The following MSRB3 variants were observed in gnomAD, a reference collection of about 807,000 sequenced individuals.
MSRB3 encodes the protein methionine sulfoxide reductase B3.
A neutral mutation model predicts 21.0 loss-of-function variants in MSRB3; 13 were observed. The observed-to-expected ratio is 0.62, with a 90% CI of 0.40 to 0.98. The LOEUF (loss-of-function observed/expected upper bound fraction) is 0.98. Ranked by LOEUF, MSRB3 falls within the 50% of genes least tolerant of loss-of-function variation. The pLI is 0.00. For synonymous variants in MSRB3, 87 were observed against 88.6 expected (o/e 0.98, Z 0.10); for missense variants, 199 against 230.3 (o/e 0.86, Z 0.88).
Position 65,356,450 on chromosome 12 carries a change from G to C in MSRB3, c.264-12548G>C, listed in dbSNP as rs1877388740. ...TTCAATGTGAAAGTTTATACAATGT[G>C]AGGGGACTTTTTTAAAAAAAATTTA... On this transcript the variant is annotated intron_variant, in intron 4 of 6. Transcript: ENST00000308259. 2.0e-5 allele frequency among the ~76,000 whole-genome samples: 3 copies of C among 151,946 alleles called. No homozygotes were observed. In the South Asian group the frequency reaches 6.2e-4, roughly 31 times the overall value.
At chr12:65,403,854 G>A (rs933711846) in intron 5 of MSRB3, among the ~76,000 whole-genome samples, 1 of 152,166 alleles carries the variant, frequency 6.6e-6, no homozygotes. Context: ...CTTGGCTAGG[G>A]GAGGGAGTTC....
intron 5 of MSRB3, among the ~76,000 whole-genome samples, chr12:65,369,644 C>G (rs1453248260): frequency 6.6e-6 from 1 of 152,086 alleles, no homozygotes; most frequent in African/African-American, 2.4e-5. Context: ...TCAGGTTTGA[C>G]TATGTCATTA....
chr12:65,348,821 T>C (rs1366668275), intron 4 of MSRB3, among the ~76,000 whole-genome samples: 1 of 152,218 alleles, frequency 6.6e-6, no homozygotes, highest in Non-Finnish European at 1.5e-5. Flanking sequence ...AACATCTTTA[T>C]TTCTGCCTTC....
intron 5 of MSRB3, among the ~76,000 whole-genome samples, chr12:65,420,928 C>T (rs1881260337): frequency 6.6e-6 from 1 of 152,166 alleles, no homozygotes; most frequent in African/African-American, 2.4e-5. Flanking sequence ...CTGCAGTGAA[C>T]ATTAGTGTGC....
chr12:65,287,209 A>T, intron 1 of MSRB3, among the ~76,000 whole-genome samples: 1 of 142,090 alleles, frequency 7.0e-6, no homozygotes. Flanking sequence ...TGTAGCCTTG[A>T]CCTCCTGGGC....
intron 4 of MSRB3, among the ~76,000 whole-genome samples, chr12:65,334,272 G>T (rs1055932026): frequency 1.3e-4 from 20 of 152,156 alleles, no homozygotes; most frequent in Admixed American, 3.3e-4. Context: ...TGTCAGGCAT[G>T]GTTCTTAGTG....
chr12:65,422,111 A>G (rs1186699490), intron 5 of MSRB3, among the ~76,000 whole-genome samples: 4 of 152,018 alleles, frequency 2.6e-5, no homozygotes, highest in Admixed American at 6.6e-5. Flanking sequence ...CTTTAAACCA[A>G]CAAAGATCAA....
intron 2 of MSRB3, among the ~76,000 whole-genome samples, chr12:65,320,005 C>T (rs569105804): frequency 6.6e-6 from 1 of 152,266 alleles, no homozygotes; most frequent in African/African-American, 2.4e-5. Context: ...AGCACTAAAA[C>T]ATATGGTCTT....
chr12:65,439,890 G>A (rs1021108128), intron 5 of MSRB3, among the ~76,000 whole-genome samples: 4 of 151,678 alleles, frequency 2.6e-5, no homozygotes, highest in Non-Finnish European at 5.9e-5. Flanking sequence ...AAAACCTAGA[G>A]CAGAAATATT....
chr12:65,302,493 T>C (rs891827232), intron 1 of MSRB3, among the ~76,000 whole-genome samples: 3 of 152,200 alleles, frequency 2.0e-5, no homozygotes, highest in African/African-American at 7.2e-5. Context: ...TTACATCTTT[T>C]CATGTTCATC....
chr12:65,291,804 A>T (rs1398397092), intron 1 of MSRB3, among the ~76,000 whole-genome samples: 1 of 152,160 alleles, frequency 6.6e-6, no homozygotes, highest in East Asian at 1.9e-4. Flanking sequence ...ACCAGATTAT[A>T]TGGGGCTTTT....
At chr12:65,299,567 G>A (rs1873186236) in intron 1 of MSRB3, among the ~76,000 whole-genome samples, 1 of 152,168 alleles carries the variant, frequency 6.6e-6, no homozygotes, top group Non-Finnish European at 1.5e-5. Context: ...CCACAACTTA[G>A]TATCATGTTC....
chr12:65,334,583 T>C (rs78954838), intron 4 of MSRB3, among the ~76,000 whole-genome samples: 12 of 152,342 alleles, frequency 7.9e-5, no homozygotes, highest in Non-Finnish European at 1.8e-4. Context: ...TTTGTCACAG[T>C]ACTTAAGTAC....
At chr12:65,287,295 T>A (rs889017197) in intron 1 of MSRB3, among the ~76,000 whole-genome samples, 4 of 151,668 alleles carry the variant, frequency 2.6e-5, no homozygotes, top group East Asian at 1.9e-4. Context: ...GCTAATTTTT[T>A]AAAAAAAATT....
At chr12:65,443,885 C>G (rs1882496512) in intron 5 of MSRB3, among the ~76,000 whole-genome samples, 1 of 152,130 alleles carries the variant, frequency 6.6e-6, no homozygotes, top group African/African-American at 2.4e-5. Context: ...CATCCCCTGG[C>G]AACTATCATT....
At chr12:65,288,289 G>A (rs1220359709) in intron 1 of MSRB3, among the ~76,000 whole-genome samples, 5 of 146,436 alleles carry the variant, frequency 3.4e-5, no homozygotes, top group Non-Finnish European at 4.5e-5. Context: ...GCAAGAGAGC[G>A]AGACCCCGTC....
chr12:65,297,162 T>C (rs921210361), intron 1 of MSRB3, among the ~76,000 whole-genome samples: 1 of 151,814 alleles, frequency 6.6e-6, no homozygotes, highest in Admixed American at 6.6e-5. Context: ...AAGTGGGGGC[T>C]GAACAATGAG....
intron 4 of MSRB3, among the ~76,000 whole-genome samples, chr12:65,356,733 G>A (rs113432404): frequency 3.8e-4 from 57 of 151,964 alleles, no homozygotes; most frequent in African/African-American, 1.3e-3. Flanking sequence ...TAAAAGTATA[G>A]ATTTCCAAAT....
At chr12:65,419,646 G>A (rs532840975) in intron 5 of MSRB3, 6 of 709,126 alleles carry the variant, frequency 8.5e-6, no homozygotes, top group South Asian at 7.2e-5. Context: ...AATGGACCCA[G>A]TCTCTGACCT....
Sources: allele counts gnomAD v4.1 joint callset (sites outside exome capture counted in the v4.1 genomes callset), GRCh38; gene constraint gnomAD v4.1.1; transcripts MANE v1.5; gene names NCBI Gene and HGNC (gene_info 2026-07-23, HGNC 2026-07-21).